The following CNTNAP2 variants were observed in gnomAD, a reference collection of about 807,000 sequenced individuals.
CNTNAP2 encodes contactin-associated protein-like 2.
A neutral mutation model predicts 155.2 loss-of-function variants in CNTNAP2; 98 were observed. That is an observed-to-expected ratio of 0.63 (90% CI 0.54 to 0.75). The LOEUF is 0.75. CNTNAP2 is among the 30% of genes least tolerant of loss of function. The pLI is 0.00. For missense variants in CNTNAP2, 1,727 were observed against 1,688.1 expected, an observed-to-expected ratio of 1.02 and a Z score of -0.40; for synonymous variants, 651 against 631.2, an observed-to-expected ratio of 1.03 and a Z score of -0.47.
intron 11 of CNTNAP2, among the ~76,000 whole-genome samples, chr7:147,557,375 T>C (rs977206763): frequency 7.2e-5 from 11 of 152,180 alleles, no homozygotes; most frequent in Non-Finnish European, 1.5e-4. Context: ...ATATTATGAA[T>C]ATATAGCATG....
intron 14 of CNTNAP2, among the ~76,000 whole-genome samples, chr7:147,933,535 AG>A (rs772727576): frequency 0.088 from 10,616 of 120,402 alleles, 486 homozygotes; most frequent in East Asian, 0.28. Flanking sequence ...ATAGATAGAT[AG>A]ATAGATATAA....
At chr7:148,185,915 G>T (rs73170519) in intron 18 of CNTNAP2, among the ~76,000 whole-genome samples, 2,115 of 152,198 alleles carry the variant, frequency 0.014, 27 homozygotes, top group Admixed American at 0.022. Flanking sequence ...ATCTTCTGTG[G>T]CCTCATACAA....
At chr7:146,466,863 A>G (rs1008572987) in intron 1 of CNTNAP2, among the ~76,000 whole-genome samples, 6 of 152,136 alleles carry the variant, frequency 3.9e-5, no homozygotes, top group African/African-American at 1.2e-4. Context: ...TGTGCTTGGC[A>G]TACTGCTGTT....
At chr7:146,880,339 G>A (rs187043958) in intron 3 of CNTNAP2, among the ~76,000 whole-genome samples, 39 of 151,810 alleles carry the variant, frequency 2.6e-4, no homozygotes, top group Middle Eastern at 3.4e-3. Flanking sequence ...TCTGCCATTC[G>A]AAGAACACCA....
intron 15 of CNTNAP2, among the ~76,000 whole-genome samples, chr7:148,069,717 G>A (rs1268320331): frequency 3.4e-5 from 5 of 145,752 alleles, no homozygotes; most frequent in African/African-American, 5.2e-5. Context: ...CCAAGATTGC[G>A]CCACTGCACT....
intron 12 of CNTNAP2, among the ~76,000 whole-genome samples, chr7:147,582,218 C>T (rs1355546898): frequency 6.6e-6 from 1 of 152,088 alleles, no homozygotes. Flanking sequence ...TTGTAGATTG[C>T]ATGTTCTTAT....
chr7:147,544,503 G>T (rs1799695617), intron 11 of CNTNAP2, among the ~76,000 whole-genome samples: 1 of 152,052 alleles, frequency 6.6e-6, no homozygotes, highest in East Asian at 1.9e-4. Context: ...ATTGTTATAG[G>T]CTTTCAGAAA....
At chr7:147,392,150 C>A (rs1028116559) in intron 9 of CNTNAP2, among the ~76,000 whole-genome samples, 1 of 152,008 alleles carries the variant, frequency 6.6e-6, no homozygotes, top group Non-Finnish European at 1.5e-5. Flanking sequence ...CTAATTTTCT[C>A]TAATTTCTGA....
At chr7:147,426,282 C>T (rs1169267848) in intron 10 of CNTNAP2, among the ~76,000 whole-genome samples, 1 of 151,708 alleles carries the variant, frequency 6.6e-6, no homozygotes, top group African/African-American at 2.4e-5. Context: ...TTACCTTACT[C>T]AGTTGTGATT....
At chr7:148,214,261 G>T (rs1413268737) in intron 18 of CNTNAP2, among the ~76,000 whole-genome samples, 1 of 152,194 alleles carries the variant, frequency 6.6e-6, no homozygotes, top group Non-Finnish European at 1.5e-5. Context: ...TGCCCAGGGT[G>T]CAGTCAGTGC....
chr7:147,509,923 T>G (rs778602845), intron 11 of CNTNAP2, among the ~76,000 whole-genome samples: 30 of 152,152 alleles, frequency 2.0e-4, no homozygotes, highest in Non-Finnish European at 4.3e-4. Context: ...CCAACAGTTC[T>G]ATGTCTGTAT....
At chr7:147,872,992 G>A (rs2116704148) in intron 13 of CNTNAP2, among the ~76,000 whole-genome samples, 1 of 152,306 alleles carries the variant, frequency 6.6e-6, no homozygotes, top group African/African-American at 2.4e-5. Context: ...GCCTAAATAT[G>A]AACATTCAAT....
rs181790429 is a variant in CNTNAP2 at position 147,218,214 on chromosome 7, C to T, written c.1349-81927C>T. Among the ~76,000 whole-genome samples, 403 of 151,774 alleles carry T rather than the reference C, an allele frequency of 2.7e-3. 1 individual carries two copies. Among genetic ancestry groups the T allele is most frequent in the African/African-American group, 9.1e-3 (377 of 41,500 alleles). The stretch of plus-strand genomic sequence containing the variant: ...TAATTGGCTCTTCTTTTTCTCATTT[C>T]CTAATTTAGAAGCTTAGATAAATGA... On this transcript the variant is annotated intron_variant, in intron 8 of 23. Coordinates refer to ENST00000361727, the MANE Select transcript of CNTNAP2 (RefSeq NM_014141.6).
chr7:148,404,595 A>G (rs1799657918), intron 22 of CNTNAP2, among the ~76,000 whole-genome samples: 1 of 152,184 alleles, frequency 6.6e-6, no homozygotes, highest in South Asian at 2.1e-4. Context: ...CCAGCCCCAC[A>G]GCAGCATCTA....
At chr7:148,030,827 A>G (rs1045088636) in intron 15 of CNTNAP2, among the ~76,000 whole-genome samples, 1 of 152,160 alleles carries the variant, frequency 6.6e-6, no homozygotes, top group African/African-American at 2.4e-5. Flanking sequence ...TATCAAGGGA[A>G]CCATAAACCT....
At chr7:147,876,813 A>G (rs775945060) in intron 13 of CNTNAP2, among the ~76,000 whole-genome samples, 1 of 152,098 alleles carries the variant, frequency 6.6e-6, no homozygotes, top group Non-Finnish European at 1.5e-5. Context: ...GGAGCACACC[A>G]CAGAAAGGTG....
intron 15 of CNTNAP2, among the ~76,000 whole-genome samples, chr7:148,086,096 T>A (rs2116555755): frequency 1.3e-5 from 2 of 152,192 alleles, no homozygotes; most frequent in Middle Eastern, 6.8e-3. Context: ...GAAAAAGGAG[T>A]CTCAGGAAGT....
rs114299800 is a variant in CNTNAP2, at chr7:146,868,228, T to C, written c.402+28324T>C. On this transcript the variant is annotated intron_variant, in intron 3 of 23. Coordinates refer to ENST00000361727, the MANE Select transcript of CNTNAP2 (RefSeq NM_014141.6). ...GTAAGGAAGGGGTCCAGCTTCAATCTTTTCCATATGGCTAGCCAGTTATCC... is the reference window on the plus strand; with the variant it reads ...GTAAGGAAGGGGTCCAGCTTCAATCCTTTCCATATGGCTAGCCAGTTATCC... Among the ~76,000 whole-genome samples, 915 of 152,300 alleles carry C rather than the reference T, an allele frequency of 6.0e-3. 9 individuals carry two copies. The highest frequency in any genetic ancestry group is 0.021 in the African/African-American group (886 of 41,576).
chr7:147,890,213 A>T (rs779460116), intron 13 of CNTNAP2, among the ~76,000 whole-genome samples: 2 of 152,228 alleles, frequency 1.3e-5, no homozygotes, highest in Non-Finnish European at 2.9e-5. Context: ...AAATTAGTGC[A>T]TATTATCAAA....
Sources: gnomAD v4.1 joint callset for allele counts (sites outside exome capture counted in the v4.1 genomes callset) on GRCh38, gnomAD v4.1.1 for gene constraint, MANE v1.5 for transcripts, NCBI Gene and HGNC (gene_info 2026-07-23, HGNC 2026-07-21) for gene names.